Variants in CROT observed in about 807,000 individuals in gnomAD.
The protein encoded by CROT is carnitine O-octanoyltransferase.
In CROT, 84 loss-of-function variants were observed where a neutral mutation model predicts 89.2. The observed-to-expected ratio is 0.94, with a 90% CI of 0.79 to 1.13. CROT has a LOEUF of 1.13. CROT is among the 50% of genes most tolerant of loss of function. The pLI is 0.00. For missense variants in CROT, 711 were observed against 727.8 expected (o/e 0.98, Z 0.27); for synonymous variants, 212 against 239.5 (o/e 0.89, Z 1.06).
At chr7:87,367,661 C>T (rs994029397) in intron 6 of CROT, among the ~76,000 whole-genome samples, 5 of 152,208 alleles carry the variant, frequency 3.3e-5, no homozygotes, top group African/African-American at 1.2e-4. Context: ...TCTTCTATAT[C>T]TGTGCTGAGT....
At chr7:87,348,386 G>C (rs6944261) in intron 2 of CROT, among the ~76,000 whole-genome samples, 7,592 of 152,074 alleles carry the variant, frequency 0.05, 453 homozygotes, top group African/African-American at 0.14. Flanking sequence ...GACCTCATAC[G>C]ACCTGTGCAA....
At chr7:87,377,648 G>A (rs1418545488) in intron 10 of CROT, among the ~76,000 whole-genome samples, 198 bp downstream of exon 10, 1 of 152,132 alleles carries the variant, frequency 6.6e-6, no homozygotes, top group Non-Finnish European at 1.5e-5. Flanking sequence ...CCAACAGTTT[G>A]TTGTGTACTA....
At chr7:87,357,681 C>T in intron 3 of CROT, 1 of 641,428 alleles carries the variant, frequency 1.6e-6, no homozygotes, top group Non-Finnish European at 2.8e-6. Context: ...CAAAGGAAGG[C>T]ACCATCCTTA....
At chr7:87,358,438 C>T (rs138493062) in intron 3 of CROT, among the ~76,000 whole-genome samples, 1,825 of 141,044 alleles carry the variant, frequency 0.013, 42 homozygotes, top group African/African-American at 0.046. Context: ...GCTGAGATTA[C>T]GCCACTGCAC....
chr7:87,356,118 C>T lies in CROT; in HGVS notation c.116-3088C>T, dbSNP rs556975829. 1.7e-4 allele frequency among the ~76,000 whole-genome samples: 26 copies of T among 152,278 alleles called. No individual in the cohort carries two copies. In the East Asian group the frequency reaches 4.8e-3, roughly 28 times the overall value. On this transcript the variant is annotated intron_variant, in intron 3 of 17. Coordinates refer to ENST00000331536, the MANE Select transcript of CROT (RefSeq NM_021151.4). ...ACCTCAGCCTCCTGAGTAGCTGAGACTGCAGGCAGGTGCCACCATGCCCTG... is the reference window on the plus strand; with the variant it reads ...ACCTCAGCCTCCTGAGTAGCTGAGATTGCAGGCAGGTGCCACCATGCCCTG...
At chr7:87,358,496 AAAAAG>A (rs1219982330) in intron 3 of CROT, among the ~76,000 whole-genome samples, 4 of 151,344 alleles carry the variant, frequency 2.6e-5, no homozygotes, top group African/African-American at 9.7e-5. Flanking sequence ...AAAAAAAAAA[AAAAAG>A]AAAAGAAATT....
At chr7:87,386,289 C>T (rs1375467071) in intron 13 of CROT, among the ~76,000 whole-genome samples, 3 of 152,174 alleles carry the variant, frequency 2.0e-5, no homozygotes, top group Non-Finnish European at 4.4e-5. Flanking sequence ...GTGAAGCCAT[C>T]AGGTCCTAAG....
At chr7:87,394,273 C>G (rs1161522654) in intron 17 of CROT, among the ~76,000 whole-genome samples, 1 of 152,180 alleles carries the variant, frequency 6.6e-6, no homozygotes, top group East Asian at 1.9e-4. Flanking sequence ...CTAATCATCT[C>G]TGCAGAAGCA....
chr7:87,374,682 A>G lies in CROT; in HGVS notation c.657-950A>G, dbSNP rs557889876. Among the ~76,000 whole-genome samples the G allele has an allele frequency of 2.0e-5, 3 of 152,172 alleles. No homozygotes were observed. In the South Asian group the frequency reaches 6.2e-4, roughly 32 times the overall value. ...TCCTCAGGACACCATTAATTTGCAA[A>G]TAACAAGGGGGGAATTTTTCAGCAA... On this transcript the variant is annotated intron_variant, in intron 7 of 17. Transcript: ENST00000331536.
chr7:87,367,727 C>G (rs1305584570), intron 6 of CROT, among the ~76,000 whole-genome samples: 2 of 152,184 alleles, frequency 1.3e-5, no homozygotes, highest in African/African-American at 4.8e-5. Context: ...TCTCTCTCTG[C>G]TGCTTATCAG....
rs1202327027 is a variant in CROT at position 87,348,958 on chromosome 7, A to C, written c.-21-90A>C. 4 of 536,678 alleles carry C rather than the reference A, an allele frequency of 7.5e-6. No homozygotes were observed. The Admixed American group carries it at 1.4e-4, about 18-fold the overall frequency. 33.2% of individuals were successfully genotyped at this position (536,678 alleles called of 1,614,324 possible). On this transcript the variant is annotated intron_variant, in intron 2 of 17. Transcript: ENST00000331536. ...GTCCTAGATATGCTGTGGTCCCTAAATACTGGTTTAGTGAATTGTGAATTG... is the reference window on the plus strand; with the variant it reads ...GTCCTAGATATGCTGTGGTCCCTAACTACTGGTTTAGTGAATTGTGAATTG...
At chr7:87,382,320 G>T in intron 12 of CROT, 93 bp from the exon 13 acceptor site, 1 of 1,447,212 alleles carries the variant, frequency 6.9e-7, no homozygotes, top group Non-Finnish European at 9.5e-7. Flanking sequence ...CTTTATGTCT[G>T]GTGATTACTT....
intron 6 of CROT, among the ~76,000 whole-genome samples, chr7:87,364,852 T>C (rs966933253): frequency 2.0e-5 from 3 of 152,080 alleles, no homozygotes; most frequent in African/African-American, 4.8e-5. Flanking sequence ...AGTTTTGTTG[T>C]AGGAAGATGA....
At chr7:87,357,941 C>T (rs2115824858) in intron 3 of CROT, among the ~76,000 whole-genome samples, 1 of 152,222 alleles carries the variant, frequency 6.6e-6, no homozygotes, top group African/African-American at 2.4e-5. Context: ...TATCTGTAGG[C>T]TGTTCACTCA....
intron 13 of CROT, among the ~76,000 whole-genome samples, chr7:87,383,255 TCTC>T (rs1316546441): frequency 6.6e-6 from 1 of 152,100 alleles, no homozygotes; most frequent in Non-Finnish European, 1.5e-5. Context: ...TTCTCTTCAA[TCTC>T]CTCTCCCCCC....
In CROT at chr7:87,375,839, TC is replaced by T. The variant is rs1806794407; in HGVS notation, c.763del (p.Leu255Ter). 1.9e-6 allele frequency: 3 copies of T among 1,613,420 alleles called. No homozygotes were observed. The African/African-American group carries it at 4.0e-5, about 22-fold the overall frequency. On this transcript the variant is annotated frameshift_variant, in exon 9 of 18. Transcript: ENST00000331536. LOFTEE classifies it high-confidence loss of function. Reference protein sequence around the residue: ...RTRWAKAREYLIGLDPENLAL... With the variant: ...RTRWAKAREYXIGLDPENLAL... ...TCCTTGCCCTTTAGGCACGAGAATA[TC>T]TGATTGGTCTTGATCCAGAGAACTT... is the stretch of plus-strand genomic sequence containing the variant.
chr7:87,394,132 G>A (rs538020438), intron 17 of CROT, among the ~76,000 whole-genome samples: 1 of 152,294 alleles, frequency 6.6e-6, no homozygotes, highest in South Asian at 2.1e-4. Flanking sequence ...TAAAGATGCA[G>A]TTTTCAATCA....
At chr7:87,368,190 GTATT>G (rs1275292546) in intron 6 of CROT, among the ~76,000 whole-genome samples, 1 of 152,096 alleles carries the variant, frequency 6.6e-6, no homozygotes, top group African/African-American at 2.4e-5. Flanking sequence ...ACTTCTGCGG[GTATT>G]TACATGGCGT....
chr7:87,353,132 C>T (rs547619007), intron 3 of CROT, among the ~76,000 whole-genome samples: 3 of 152,010 alleles, frequency 2.0e-5, no homozygotes, highest in East Asian at 1.9e-4. Flanking sequence ...AGTCCTTTAA[C>T]GGATTTTTTT....
Sources: gnomAD v4.1 joint callset for allele counts (sites outside exome capture counted in the v4.1 genomes callset) on GRCh38, gnomAD v4.1.1 for gene constraint, MANE v1.5 for transcripts, NCBI Gene and HGNC (gene_info 2026-07-23, HGNC 2026-07-21) for gene names.